The following PCDHA6 variants were observed in gnomAD, a reference collection of about 807,000 sequenced individuals.
PCDHA6 encodes the protein protocadherin alpha-6.
PCDHA6 carries 55 observed loss-of-function variants against 60.3 expected under a neutral mutation model. The ratio of observed to expected loss-of-function variants is 0.91; its 90% confidence interval spans 0.73 to 1.14. The LOEUF (loss-of-function observed/expected upper bound fraction) is 1.14. Ranked by LOEUF, PCDHA6 falls within the 50% of genes most tolerant of loss-of-function variation. PCDHA6 has a pLI of 0.00. For synonymous variants in PCDHA6, 652 were observed against 557.9 expected (o/e 1.17, Z -2.38); for missense variants, 1,327 against 1,256.5 (o/e 1.06, Z -0.85).
At chr5:140,833,334 G>A (rs2150207587) in intron 1 of PCDHA6, among the ~76,000 whole-genome samples, 2 of 152,176 alleles carry the variant, frequency 1.3e-5, no homozygotes, top group Non-Finnish European at 2.9e-5. Context: ...GAACATTGGA[G>A]TGAAACATTC....
intron 1 of PCDHA6, among the ~76,000 whole-genome samples, chr5:140,831,758 T>A (rs138346265): frequency 6.6e-6 from 1 of 152,244 alleles, no homozygotes; most frequent in Non-Finnish European, 1.5e-5. Flanking sequence ...CGCTACCAAT[T>A]TTGTTTTGTG....
chr5:140,941,347 T>C (rs246069), intron 1 of PCDHA6, among the ~76,000 whole-genome samples: 97,460 of 130,222 alleles, frequency 0.75, 37,726 homozygotes, highest in African/African-American at 0.94. Context: ...GATGGAGTCT[T>C]GCTCTGTTGC....
chr5:140,866,633 G>A (rs900221819), intron 1 of PCDHA6: 71 of 152,170 alleles, frequency 4.7e-4, no homozygotes, highest in African/African-American at 1.6e-3. Flanking sequence ...TTCTGACAAC[G>A]GTGTCAAAAT....
chr5:140,856,399 T>G (rs782023286), intron 1 of PCDHA6: 1 of 1,598,492 alleles, frequency 6.3e-7, no homozygotes, highest in Non-Finnish European at 8.6e-7. Flanking sequence ...AGGTTTTCCA[T>G]GTGGACGTGG....
At position 140,947,211 on chromosome 5, in the gene PCDHA6, T is replaced by A. The variant is rs562676640; in HGVS notation, c.2395-31738T>A. Among the ~76,000 whole-genome samples, 51 of 151,298 alleles carry A rather than the reference T, an allele frequency of 3.4e-4. 1 individual carries two copies. In the South Asian group the frequency reaches 0.011, roughly 32 times the overall value. On this transcript the variant is annotated intron_variant, in intron 1 of 3. Transcript: ENST00000529310. ...ACTACACAGCCTTAAAAAAAGAAAA[T>A]CCTGTCATTTATGACAGGAAAAAAA...
intron 1 of PCDHA6, chr5:140,856,537 G>A: frequency 1.9e-6 from 3 of 1,598,370 alleles, no homozygotes; most frequent in Non-Finnish European, 1.7e-6. Flanking sequence ...ATGTTGGAGA[G>A]AACGCATTGC....
chr5:140,842,954 C>G, intron 1 of PCDHA6: 2 of 1,594,948 alleles, frequency 1.3e-6, no homozygotes. Flanking sequence ...CGTGCCGCCT[C>G]TGGGCAGCAA....
At chr5:140,962,854 G>A (rs1396651838) in intron 1 of PCDHA6, among the ~76,000 whole-genome samples, 7 of 152,054 alleles carry the variant, frequency 4.6e-5, no homozygotes, top group African/African-American at 9.7e-5. Flanking sequence ...ACTTGTGCTC[G>A]GTTTGTAGAG....
chr5:140,935,996 G>A (rs145363850), intron 1 of PCDHA6, among the ~76,000 whole-genome samples: 2 of 150,844 alleles, frequency 1.3e-5, no homozygotes, highest in African/African-American at 4.9e-5. Context: ...GGGTTCAAGC[G>A]ATTCTCCCAC....
chr5:140,952,822 G>A (rs1364476088), intron 1 of PCDHA6, among the ~76,000 whole-genome samples: 3 of 152,184 alleles, frequency 2.0e-5, no homozygotes, highest in Non-Finnish European at 4.4e-5. Context: ...TGTACAGGAA[G>A]CATGATGCTG....
intron 1 of PCDHA6, chr5:140,841,822 GTTAACCTAC>G: frequency 6.2e-7 from 1 of 1,613,942 alleles, no homozygotes; most frequent in Non-Finnish European, 8.5e-7. Context: ...CTAACTCCGT[GTTAACCTAC>G]AGGCTTAGCT....
At chr5:140,937,705 G>T (rs892429555) in intron 1 of PCDHA6, among the ~76,000 whole-genome samples, 2 of 151,928 alleles carry the variant, frequency 1.3e-5, no homozygotes, top group Admixed American at 6.6e-5. Context: ...GAGGTCAGGA[G>T]ATCAAGACCA....
At chr5:140,845,629 A>G (rs1437329229) in intron 1 of PCDHA6, among the ~76,000 whole-genome samples, 1 of 149,600 alleles carries the variant, frequency 6.7e-6, no homozygotes, top group East Asian at 1.9e-4. Flanking sequence ...GAAGCTCTCT[A>G]AATCAAGTCC....
chr5:140,829,372 G>A lies in PCDHA6; in HGVS notation c.1281G>A (p.Ala427=), dbSNP rs1770256415. The A allele has an allele frequency of 1.2e-6, 2 of 1,614,208 alleles. No homozygotes were observed. The highest frequency in any genetic ancestry group is 2.2e-5 in the South Asian group (2 of 91,090). Residue 427 remains alanine (A), a synonymous_variant, in exon 1 of 4, where the codon GCG becomes GCA. Coordinates refer to ENST00000529310, the MANE Select transcript of PCDHA6 (RefSeq NM_018909.4). The part of the protein sequence containing the change: ...SVSAYELVVT[A]RDGGSPSLWA... ...CGGCCTATGAGTTGGTGGTAACCGCGCGGGACGGGGGCTCGCCTTCGCTGT... is the reference window on the plus strand; with the variant it reads ...CGGCCTATGAGTTGGTGGTAACCGCACGGGACGGGGGCTCGCCTTCGCTGT...
At position 140,893,180 on chromosome 5, in the gene PCDHA6, C is replaced by T. The variant is rs1388898676; in HGVS notation, c.2394+62695C>T. Among the ~76,000 whole-genome samples, 3 of 152,208 alleles carry T rather than the reference C, an allele frequency of 2.0e-5. No individual in the cohort carries two copies. In the South Asian group the frequency reaches 6.2e-4, roughly 31 times the overall value. On this transcript the variant is annotated intron_variant, in intron 1 of 3. Coordinates refer to ENST00000529310, the MANE Select transcript of PCDHA6 (RefSeq NM_018909.4). ...TATTGAGGTTGATTCCACATAGTAGCTATTGTGAATAGTGCTGCAGTAAGT... is the reference window on the plus strand; with the variant it reads ...TATTGAGGTTGATTCCACATAGTAGTTATTGTGAATAGTGCTGCAGTAAGT...
At chr5:140,966,232 C>A (rs1353392797) in intron 1 of PCDHA6, 14 of 285,432 alleles carry the variant, frequency 4.9e-5, no homozygotes, top group African/African-American at 2.4e-4. Flanking sequence ...TCCTTAAAGA[C>A]CCGTTAAGCA....
rs79215949 is a variant in PCDHA6 at position 140,921,420 on chromosome 5, C to T, written c.2395-57529C>T. Among the ~76,000 whole-genome samples, 1,220 of 152,204 alleles carry T rather than the reference C, an allele frequency of 8.0e-3. 6 individuals carry two copies. The highest frequency in any genetic ancestry group is 0.019 in the African/African-American group (786 of 41,526). On this transcript the variant is annotated intron_variant, in intron 1 of 3. Coordinates refer to ENST00000529310, the MANE Select transcript of PCDHA6 (RefSeq NM_018909.4). Reference sequence around the variant, plus strand: ...ACTAGATTTTCCTCTGTGCTGCAGACAAAAATTTTCTTCAATGGTGTCTGA... The same window carrying T: ...ACTAGATTTTCCTCTGTGCTGCAGATAAAAATTTTCTTCAATGGTGTCTGA...
chr5:140,914,957 T>C (rs1355119889), intron 1 of PCDHA6, among the ~76,000 whole-genome samples: 1 of 150,770 alleles, frequency 6.6e-6, no homozygotes, highest in Non-Finnish European at 1.5e-5. Flanking sequence ...TTTTTTTTTT[T>C]TTTTTCTGAG....
chr5:140,842,481 G>T (rs1554139090), intron 1 of PCDHA6: 1 of 1,613,806 alleles, frequency 6.2e-7, no homozygotes, highest in East Asian at 2.2e-5. Flanking sequence ...CAGGTGACCT[G>T]CTCCCTGATG....
Sources: allele counts gnomAD v4.1 joint callset (sites outside exome capture counted in the v4.1 genomes callset), GRCh38; gene constraint gnomAD v4.1.1; transcripts MANE v1.5; gene names NCBI Gene and HGNC (gene_info 2026-07-23, HGNC 2026-07-21).